Variants in UACA observed in about 807,000 individuals in gnomAD.
UACA encodes the protein uveal autoantigen with coiled-coil domains and ankyrin repeats.
In UACA, 112 loss-of-function variants were observed where a neutral mutation model predicts 160.5. The ratio of observed to expected loss-of-function variants is 0.70; its 90% CI spans 0.60 to 0.82. The LOEUF (loss-of-function observed/expected upper bound fraction) is 0.82, where lower values mean the gene tolerates loss of function less well. UACA is among the 40% of genes least tolerant of loss of function. The pLI is 0.00. For missense variants in UACA, 1,574 were observed against 1,614.6 expected (o/e 0.97, Z 0.43); for synonymous variants, 557 against 568.4 (o/e 0.98, Z 0.29).
At chr15:70,695,291 G>A (rs1305153657) in intron 2 of UACA, among the ~76,000 whole-genome samples, 186 bp from the exon 3 acceptor site, 1 of 151,810 alleles carries the variant, frequency 6.6e-6, no homozygotes, top group African/African-American at 2.4e-5. Context: ...ATTTACATAA[G>A]GGGCCAATAC....
chr15:70,699,471 A>G lies in UACA; in HGVS notation c.212+56T>C, dbSNP rs916716811. 1.9e-6 allele frequency: 3 copies of G among 1,566,806 alleles called. No individual in the cohort carries two copies. In the African/African-American group the frequency reaches 4.1e-5, roughly 21 times the overall value. On this transcript the variant is annotated intron_variant, in intron 2 of 18. Coordinates refer to ENST00000322954, the MANE Select transcript of UACA (RefSeq NM_018003.4). ...ACTACAATTCACAAGTTTCATTTGT[A>G]TCCCAAGACTATCCAAATTCCCTTC...
chr15:70,727,278 G>A (rs373226097), intron 1 of UACA, among the ~76,000 whole-genome samples: 4 of 152,030 alleles, frequency 2.6e-5, no homozygotes, highest in African/African-American at 9.7e-5. Flanking sequence ...AGTAATCTAT[G>A]ACAGAAAAAT....
At chr15:70,765,202 T>C (rs775096042), upstream of UACA, among the ~76,000 whole-genome samples, 2 of 152,160 alleles carry the variant, frequency 1.3e-5, no homozygotes, top group Admixed American at 6.6e-5. Context: ...CCCCCAATAA[T>C]CTTCTGTCTG....
At chr15:70,774,313 G>A in the UACA span, among the ~76,000 whole-genome samples, 11 of 152,166 alleles carry the variant, frequency 7.2e-5, no homozygotes, top group African/African-American at 2.2e-4. Flanking sequence ...TTGGGAGGCC[G>A]AGGCGGGCAG....
chr15:70,735,674 G>A (rs1420540425), intron 1 of UACA, among the ~76,000 whole-genome samples: 1 of 142,030 alleles, frequency 7.0e-6, no homozygotes, highest in East Asian at 2.0e-4. Flanking sequence ...AGAAAACAAT[G>A]TATTTTTGTT....
chr15:70,754,084 G>A (rs2030260855), intron 1 of UACA: 2 of 455,526 alleles, frequency 4.4e-6, no homozygotes, highest in Non-Finnish European at 8.8e-6. Flanking sequence ...GGGATTACAG[G>A]CGTGAGCCAC....
In UACA at chr15:70,690,478, C is replaced by T. The variant is rs772488174; in HGVS notation, c.400G>A (p.Gly134Arg). 2.2e-5 allele frequency: 35 copies of T among 1,612,882 alleles called. No individual in the cohort carries two copies. Among genetic ancestry groups the T allele is most frequent in the Non-Finnish European group, 2.9e-5 (34 of 1,179,462 alleles). ...CCGGCATCGTGAAGTGCAGTTCTTC[C>T]CTGCAGGTCTGCATGCTCAGTGGGA... ...NCPTEHADLQGRTALHDAAMA... is the reference protein window; with the variant it reads ...NCPTEHADLQRRTALHDAAMA... The change falls in exon 5 of 19, where the codon GGA (glycine) becomes AGA (arginine). Residue 134 changes from glycine to arginine, a missense_variant. By Grantham distance (125) the Gly-to-Arg change is moderately radical (BLOSUM62 -2). Coordinates refer to ENST00000322954, the MANE Select transcript of UACA (RefSeq NM_018003.4).
At chr15:70,727,543 G>A (rs1021959575) in intron 1 of UACA, among the ~76,000 whole-genome samples, 35 of 152,010 alleles carry the variant, frequency 2.3e-4, no homozygotes, top group African/African-American at 7.2e-4. Flanking sequence ...GAGTAGATAC[G>A]TTTACATTAA....
chr15:70,737,320 C>A (rs1230752794), intron 1 of UACA, among the ~76,000 whole-genome samples: 5 of 152,194 alleles, frequency 3.3e-5, no homozygotes, highest in Non-Finnish European at 7.3e-5. Flanking sequence ...GAATAAGAGA[C>A]TGTGTTGTTT....
chr15:70,745,050 A>G (rs1899659030), intron 1 of UACA, among the ~76,000 whole-genome samples: 1 of 152,178 alleles, frequency 6.6e-6, no homozygotes, highest in Admixed American at 6.5e-5. Context: ...GGGGAAAAAT[A>G]TGTATTTTGA....
the UACA span, among the ~76,000 whole-genome samples, chr15:70,771,385 A>G: frequency 6.6e-6 from 1 of 152,252 alleles, no homozygotes. Context: ...CAACAGAGAT[A>G]ATGCTTTCCT....
intron 1 of UACA, among the ~76,000 whole-genome samples, chr15:70,710,467 CAATTT>C (rs1345247779): frequency 6.6e-6 from 1 of 152,158 alleles, no homozygotes; most frequent in East Asian, 1.9e-4. Flanking sequence ...GGGTCTCCTA[CAATTT>C]AACTCATTTT....
intron 2 of UACA, among the ~76,000 whole-genome samples, chr15:70,695,328 A>G (rs1456636433): frequency 1.3e-5 from 2 of 152,166 alleles, no homozygotes; most frequent in African/African-American, 2.4e-5. Context: ...CTTAGAACCA[A>G]TGAAATATAC....
At chr15:70,705,040 G>C (rs1898484251) in intron 1 of UACA, among the ~76,000 whole-genome samples, 2 of 152,206 alleles carry the variant, frequency 1.3e-5, no homozygotes, top group South Asian at 4.1e-4. Flanking sequence ...GTTGAAGTAT[G>C]TGACTGCTGG....
At position 70,664,786 on chromosome 15, in the gene UACA, C is replaced by T; in HGVS notation, c.3989G>A (p.Arg1330Lys). The T allele has an allele frequency of 6.2e-7, 1 of 1,613,272 alleles. No homozygotes were observed. Among genetic ancestry groups the T allele is most frequent in the Non-Finnish European group, 8.5e-7 (1 of 1,179,702 alleles). ...KITELLNDVE[R>K]LKQALNGLSQ... ...AAGGCCATTGAGTGCCTGTTTTAAT[C>T]TTTCCACATCATTAAGCAGTTCAGT... The change falls in exon 17 of 19, where the codon AGA (arginine) becomes AAA (lysine). Residue 1330 changes from arginine to lysine, a missense_variant. Transcript: ENST00000322954.
chr15:70,756,837 C>T (rs1215129389), intron 1 of UACA, among the ~76,000 whole-genome samples: 2 of 152,194 alleles, frequency 1.3e-5, no homozygotes, highest in African/African-American at 4.8e-5. Context: ...CACACCACTG[C>T]ACTCCAGCTG....
At chr15:70,712,011 CAG>C (rs1268657063) in intron 1 of UACA, among the ~76,000 whole-genome samples, 2 of 148,744 alleles carry the variant, frequency 1.3e-5, no homozygotes, top group Admixed American at 6.7e-5. Flanking sequence ...GCAAATGACT[CAG>C]AAACACATCT....
intron 1 of UACA, among the ~76,000 whole-genome samples, chr15:70,746,062 A>G (rs1256025241): frequency 6.6e-6 from 1 of 152,250 alleles, no homozygotes; most frequent in Non-Finnish European, 1.5e-5. Flanking sequence ...ACCATTCAAG[A>G]TATAGGCATG....
intron 1 of UACA, among the ~76,000 whole-genome samples, chr15:70,708,962 T>C (rs536834016): frequency 6.6e-6 from 1 of 152,326 alleles, no homozygotes; most frequent in East Asian, 1.9e-4. Flanking sequence ...AAATGGCTGA[T>C]GTATACATAT....
Sources: gnomAD v4.1 joint callset for allele counts (sites outside exome capture counted in the v4.1 genomes callset) on GRCh38, gnomAD v4.1.1 for gene constraint, MANE v1.5 for transcripts, NCBI Gene and HGNC (gene_info 2026-07-23, HGNC 2026-07-21) for gene names.